EML6: variants seen among roughly 807,000 people sequenced by gnomAD.
The protein encoded by EML6 is echinoderm microtubule-associated protein-like 6.
Under a neutral mutation model 240.1 loss-of-function variants are expected in EML6, and 154 were observed. That is an observed-to-expected ratio of 0.64 (90% CI 0.56 to 0.73). The LOEUF (loss-of-function observed/expected upper bound fraction) is 0.73. EML6 is among the 30% of genes least tolerant of loss of function. The pLI, the probability that EML6 is intolerant of heterozygous loss-of-function variation, is 0.00. For synonymous variants in EML6, 1,148 were observed against 899.0 expected (o/e 1.28, Z -4.95); for missense variants, 2,964 against 2,474.6 (o/e 1.20, Z -4.20).
intron 38 of EML6, among the ~76,000 whole-genome samples, chr2:54,966,071 G>A (rs1676732996): frequency 1.3e-5 from 2 of 152,238 alleles, no homozygotes; most frequent in Non-Finnish European, 2.9e-5. Flanking sequence ...ATTTTGCAAA[G>A]GCAGTTTCAG....
intron 11 of EML6, among the ~76,000 whole-genome samples, chr2:54,858,739 C>T (rs1670521238): frequency 6.6e-6 from 1 of 152,208 alleles, no homozygotes; most frequent in Admixed American, 6.5e-5. Context: ...TCTTACAAAT[C>T]ATTGCCTCTC....
In EML6 at chr2:54,895,063, T is replaced by C. The variant is rs775657227; in HGVS notation, c.2854+37T>C. The C allele has an allele frequency of 4.7e-5, 68 of 1,454,682 alleles. 1 individual carries two copies. The Admixed American group carries it at 1.0e-3, about 22-fold the overall frequency. 90.1% of individuals were successfully genotyped at this position (1,454,682 alleles called of 1,614,324 possible). ...AAACATGTAATAGAGATCTTTGTAT[T>C]CATAGGGATGGAGAAGATTGTACTA... On this transcript the variant is annotated intron_variant, in intron 20 of 41. Transcript: ENST00000356458.
intron 7 of EML6, among the ~76,000 whole-genome samples, chr2:54,830,195 G>C (rs569013569): frequency 6.6e-6 from 1 of 152,144 alleles, no homozygotes; most frequent in East Asian, 1.9e-4. Flanking sequence ...TTACCTTTTG[G>C]CAGACAAAGA....
intron 2 of EML6, among the ~76,000 whole-genome samples, chr2:54,791,143 T>C (rs1454148990): frequency 6.6e-6 from 1 of 152,086 alleles, no homozygotes; most frequent in Admixed American, 6.6e-5. Context: ...TGAAGAGAAA[T>C]TCAGAGAGGT....
Position 54,724,956 on chromosome 2 carries a change from C to A in EML6, c.-106C>A. ...GCCTGTGTGTCGCCGCGGAAATCAG[C>A]GCCCTGCGCCGCGCGCTGAGCCCCT... is the stretch of plus-strand genomic sequence containing the variant. On this transcript the variant is annotated 5_prime_UTR_variant, in exon 2 of 42. Coordinates refer to ENST00000356458, the MANE Select transcript of EML6 (RefSeq NM_001039753.4). This position sits in a 1 kb window ranked among gnomAD's most constrained non-coding sequence, Gnocchi z 5.2. The A allele has an allele frequency of 1.1e-6, 1 of 931,206 alleles. No individual in the cohort carries two copies. The highest frequency in any genetic ancestry group is 1.4e-6 in the Non-Finnish European group (1 of 717,076). The allele number at this position is 931,206 out of a possible 1,614,324, so 57.7% of individuals were successfully genotyped here. A position where few individuals can be genotyped will look rare whatever the true frequency, so the allele number is the denominator to read the frequency against.
chr2:54,921,274 A>T (rs1347185660), intron 26 of EML6, among the ~76,000 whole-genome samples: 3 of 152,176 alleles, frequency 2.0e-5, no homozygotes, highest in Non-Finnish European at 4.4e-5. Flanking sequence ...ATACAAAGCT[A>T]ACATATACAA....
At chr2:54,801,830 C>T (rs1670166313) in intron 2 of EML6, among the ~76,000 whole-genome samples, 1 of 152,098 alleles carries the variant, frequency 6.6e-6, no homozygotes, top group Non-Finnish European at 1.5e-5. Context: ...AACGTCATGC[C>T]ATCACTTCTC....
At chr2:54,807,447 A>G (rs193074064) in intron 2 of EML6, among the ~76,000 whole-genome samples, 1 of 152,330 alleles carries the variant, frequency 6.6e-6, no homozygotes, top group Non-Finnish European at 1.5e-5. Flanking sequence ...TGCATTATCA[A>G]CATTTTATCC....
intron 2 of EML6, among the ~76,000 whole-genome samples, chr2:54,800,512 C>G (rs962282480): frequency 2.0e-5 from 3 of 151,850 alleles, no homozygotes; most frequent in African/African-American, 4.8e-5. Context: ...CTTCAGAGAC[C>G]CCTCCCACAC....
intron 2 of EML6, among the ~76,000 whole-genome samples, chr2:54,797,815 C>G (rs1462863152): frequency 6.6e-6 from 1 of 152,128 alleles, no homozygotes; most frequent in Non-Finnish European, 1.5e-5. Context: ...GGGCAAGTTA[C>G]TTGACTTCTC....
chr2:54,816,129 A>G (rs1027399581), intron 3 of EML6, among the ~76,000 whole-genome samples: 4 of 152,328 alleles, frequency 2.6e-5, no homozygotes, highest in Admixed American at 1.3e-4. Context: ...ATATCCTGCA[A>G]GAAACTCTGA....
chr2:54,861,488 A>G (rs371955429), intron 12 of EML6, among the ~76,000 whole-genome samples: 3 of 152,202 alleles, frequency 2.0e-5, no homozygotes, highest in East Asian at 1.9e-4. Context: ...TGAGCGGTAA[A>G]TGACTGTGCT....
At chr2:54,851,501 A>ATAAT (rs1670088977) in intron 10 of EML6, among the ~76,000 whole-genome samples, 1 of 136,210 alleles carries the variant, frequency 7.3e-6, no homozygotes, top group Admixed American at 7.2e-5. Flanking sequence ...TGATAAAGAC[A>ATAAT]TAATGTTAGG....
At chr2:54,821,905 A>AT (rs1233872738) in intron 5 of EML6, among the ~76,000 whole-genome samples, 1 of 152,098 alleles carries the variant, frequency 6.6e-6, no homozygotes. Context: ...TTGGAGAAAG[A>AT]TTTTTTTAAA....
chr2:54,968,642 C>G (rs902280932), intron 40 of EML6, 26 bp from the exon 41 acceptor site: 2 of 1,400,424 alleles, frequency 1.4e-6, no homozygotes, highest in Non-Finnish European at 2.0e-6. Flanking sequence ...GGTCTCTTAG[C>G]TGTCTCCATT....
At chr2:54,776,401 C>G (rs572370667) in intron 2 of EML6, among the ~76,000 whole-genome samples, 50 of 152,070 alleles carry the variant, frequency 3.3e-4, no homozygotes, top group African/African-American at 1.1e-3. Flanking sequence ...GATTATTGCC[C>G]CATTTAATTA....
Position 54,961,184 on chromosome 2 carries a change from G to GTTGTTTTTTTTTTTTTTGTTTTTT in EML6, c.4968+852_4968+853insGTTTTTTTTTTTTTTGTTTTTTTT. ...GGAGCCTGGAAGTTATCAGGAAGTA[G>GTTGTTTTTTTTTTTTTTGTTTTTT]TTTTTTTTTTTTTTTTTTTGAGACG... On this transcript the variant is annotated intron_variant, in intron 35 of 41. Transcript: ENST00000356458. Among the ~76,000 whole-genome samples, 2 of 55,424 alleles carry GTTGTTTTTTTTTTTTTTGTTTTTT rather than the reference G, an allele frequency of 3.6e-5. 1 individual carries two copies. The highest frequency in any genetic ancestry group is 6.3e-5 in the Non-Finnish European group (2 of 31,670). 36.4% of individuals were successfully genotyped at this position (55,424 alleles called of 152,430 possible).
intron 7 of EML6, among the ~76,000 whole-genome samples, chr2:54,843,538 G>GC (rs1669574884): frequency 6.6e-6 from 1 of 152,066 alleles, no homozygotes. Context: ...AACATCCAGC[G>GC]CTTGTAAGAA....
intron 2 of EML6, among the ~76,000 whole-genome samples, chr2:54,793,604 C>A (rs533736899): frequency 6.6e-6 from 1 of 152,156 alleles, no homozygotes; most frequent in South Asian, 2.1e-4. Flanking sequence ...CTGCCAGTTG[C>A]CTACCAAATA....
Sources: allele counts gnomAD v4.1 joint callset (sites outside exome capture counted in the v4.1 genomes callset), GRCh38; gene constraint gnomAD v4.1.1; non-coding constraint Gnocchi (gnomAD v3.1); transcripts MANE v1.5; gene names NCBI Gene and HGNC (gene_info 2026-07-23, HGNC 2026-07-21).